Variants in CACNA2D3 observed in about 807,000 individuals in gnomAD.
The protein encoded by CACNA2D3 is calcium voltage-gated channel auxiliary subunit alpha2delta 3.
In CACNA2D3, 60 loss-of-function variants were observed where a neutral mutation model predicts 160.6. That is an observed-to-expected ratio of 0.37 (90% CI 0.30 to 0.46). The LOEUF (loss-of-function observed/expected upper bound fraction) is 0.46, where lower values mean the gene tolerates loss of function less well. CACNA2D3 is among the 20% of genes least tolerant of loss of function. The pLI is 1.00. For synonymous variants in CACNA2D3, 558 were observed against 492.9 expected (o/e 1.13, Z -1.75); for missense variants, 1,205 against 1,365.0 (o/e 0.88, Z 1.85).
At chr3:54,269,846 G>A (rs1391725017) in intron 2 of CACNA2D3, among the ~76,000 whole-genome samples, 2 of 152,210 alleles carry the variant, frequency 1.3e-5, no homozygotes, top group African/African-American at 4.8e-5. Flanking sequence ...ATTGATCAAA[G>A]ACACTTAAAA....
intron 6 of CACNA2D3, among the ~76,000 whole-genome samples, chr3:54,567,123 G>A (rs1224527726): frequency 2.6e-5 from 4 of 152,066 alleles, no homozygotes; most frequent in Admixed American, 6.6e-5. Context: ...TTCATGGTGC[G>A]TAATCTCTCA....
chr3:54,960,043 C>A (rs1701993477), intron 27 of CACNA2D3, among the ~76,000 whole-genome samples: 2 of 138,248 alleles, frequency 1.4e-5, no homozygotes, highest in Admixed American at 7.5e-5. Flanking sequence ...TCTACTTTAC[C>A]AAAGGTGACA....
At chr3:54,655,459 A>G (rs1699860614) in intron 11 of CACNA2D3, among the ~76,000 whole-genome samples, 1 of 152,240 alleles carries the variant, frequency 6.6e-6, no homozygotes, top group African/African-American at 2.4e-5. Context: ...CGTCTGCTGT[A>G]GTTAAAACAT....
intron 35 of CACNA2D3, among the ~76,000 whole-genome samples, chr3:55,027,653 G>A (rs1225327890): frequency 6.6e-6 from 1 of 152,166 alleles, no homozygotes; most frequent in Non-Finnish European, 1.5e-5. Flanking sequence ...CAGGTCAGGG[G>A]CAATGACATT....
At chr3:54,217,872 C>CAGAG (rs61014090) in intron 2 of CACNA2D3, among the ~76,000 whole-genome samples, 1 of 150,322 alleles carries the variant, frequency 6.7e-6, no homozygotes, top group Non-Finnish European at 1.5e-5. Flanking sequence ...CAGAGAGAGA[C>CAGAG]AGAGAGAGAG....
In CACNA2D3 at chr3:54,138,327, G is replaced by A. The variant is rs571871416; in HGVS notation, c.204+14733G>A. Among the ~76,000 whole-genome samples the A allele has an allele frequency of 2.8e-4, 42 of 152,332 alleles. No homozygotes were observed. In the South Asian group the frequency reaches 8.3e-3, roughly 30 times the overall value. ...AGGAAATTTGGAGATGGCATGCTGG[G>A]GAGCAGTGGGGAGGACATGTGAGAG... is the stretch of plus-strand genomic sequence containing the variant. On this transcript the variant is annotated intron_variant, in intron 2 of 37. Coordinates refer to ENST00000474759, the MANE Select transcript of CACNA2D3 (RefSeq NM_018398.3).
At chr3:54,142,575 G>A (rs527237960) in intron 2 of CACNA2D3, among the ~76,000 whole-genome samples, 1 of 152,120 alleles carries the variant, frequency 6.6e-6, no homozygotes, top group East Asian at 1.9e-4. Context: ...GGCTCCTTAG[G>A]GCAAAGCCTG....
intron 2 of CACNA2D3, among the ~76,000 whole-genome samples, chr3:54,254,866 G>A (rs968574487): frequency 6.6e-6 from 1 of 152,172 alleles, no homozygotes; most frequent in Non-Finnish European, 1.5e-5. Flanking sequence ...GCAATGTGGA[G>A]GCTTTATCAA....
In CACNA2D3 at chr3:54,440,294, T is replaced by C. The variant is rs148672172; in HGVS notation, c.381+53520T>C. Among the ~76,000 whole-genome samples the C allele has an allele frequency of 5.9e-3, 898 of 152,236 alleles. 7 individuals are homozygous for C. The highest frequency in any genetic ancestry group is 0.02 in the African/African-American group (834 of 41,532). On this transcript the variant is annotated intron_variant, in intron 4 of 37. Coordinates refer to ENST00000474759, the MANE Select transcript of CACNA2D3 (RefSeq NM_018398.3). ...GGAGGGATATAAGCAGTAGTAGTTG[T>C]TTTTCTTTAAGGCTCAGATGAAACC...
chr3:54,696,801 C>T (rs1021297989), intron 11 of CACNA2D3, among the ~76,000 whole-genome samples: 3 of 152,184 alleles, frequency 2.0e-5, no homozygotes, highest in Non-Finnish European at 4.4e-5. Context: ...AATTAGCCAG[C>T]AGTATTATGT....
intron 4 of CACNA2D3, among the ~76,000 whole-genome samples, chr3:54,447,264 T>G (rs1275931921): frequency 6.6e-6 from 1 of 152,136 alleles, no homozygotes; most frequent in Non-Finnish European, 1.5e-5. Context: ...GTGAAAGTAT[T>G]AACGATGAAT....
At chr3:54,213,964 A>G (rs1007780734) in intron 2 of CACNA2D3, among the ~76,000 whole-genome samples, 1 of 152,164 alleles carries the variant, frequency 6.6e-6, no homozygotes, top group African/African-American at 2.4e-5. Context: ...TGGTTGGTCC[A>G]CCACTGGGTC....
At chr3:54,957,898 C>G (rs1701941064) in intron 27 of CACNA2D3, among the ~76,000 whole-genome samples, 1 of 152,218 alleles carries the variant, frequency 6.6e-6, no homozygotes, top group Non-Finnish European at 1.5e-5. Flanking sequence ...ATCCTTCCCT[C>G]CCCTGCTGAG....
chr3:54,564,145 C>A (rs1193640430), intron 6 of CACNA2D3, among the ~76,000 whole-genome samples: 1 of 152,148 alleles, frequency 6.6e-6, no homozygotes, highest in Non-Finnish European at 1.5e-5. Flanking sequence ...TGGGAAGCCC[C>A]TGGGTAGCCA....
In CACNA2D3 at chr3:54,453,148, C is replaced by T. The variant is rs531890189; in HGVS notation, c.382-50344C>T. 1.1e-4 allele frequency among the ~76,000 whole-genome samples: 16 copies of T among 152,178 alleles called. No homozygotes were observed. The South Asian group carries it at 3.3e-3, about 32-fold the overall frequency. On this transcript the variant is annotated intron_variant, in intron 4 of 37. Coordinates refer to ENST00000474759, the MANE Select transcript of CACNA2D3 (RefSeq NM_018398.3). ...CTGGGACCATAAGTATGCACCACCA[C>T]ACCCAGCTAATTTTTTGTATTTTTT...
rs143266887 is a variant in CACNA2D3 at position 54,783,288 on chromosome 3, A to G, written c.1380+18937A>G. ...ACCTCTACTGAATTAAAAAAAACCC[A>G]TGGTACCCACTTTGAGATATGAAAA... On this transcript the variant is annotated intron_variant, in intron 13 of 37. Transcript: ENST00000474759. Among the ~76,000 whole-genome samples the G allele has an allele frequency of 2.8e-3, 427 of 152,096 alleles. 2 individuals carry two copies. The highest frequency in any genetic ancestry group is 9.8e-3 in the African/African-American group (406 of 41,490).
At chr3:54,827,304 A>G (rs1018427215) in intron 14 of CACNA2D3, among the ~76,000 whole-genome samples, 12 of 152,274 alleles carry the variant, frequency 7.9e-5, no homozygotes, top group African/African-American at 2.7e-4. Context: ...GATGCAAAAC[A>G]TTCACAGCAA....
Position 54,697,523 on chromosome 3 carries a change from G to A in CACNA2D3, c.1168-55076G>A, listed in dbSNP as rs575989959. 9.2e-5 allele frequency among the ~76,000 whole-genome samples: 14 copies of A among 152,166 alleles called. 1 individual carries two copies. The South Asian group carries it at 2.7e-3, about 29-fold the overall frequency. ...AAATCCCTATCTGACCATTTTGATGGAATCCTCACTCCCAAGAATACATGT... is the reference window on the plus strand; with the variant it reads ...AAATCCCTATCTGACCATTTTGATGAAATCCTCACTCCCAAGAATACATGT... On this transcript the variant is annotated intron_variant, in intron 11 of 37. Transcript: ENST00000474759.
At chr3:54,404,066 A>C (rs2106708530) in intron 4 of CACNA2D3, among the ~76,000 whole-genome samples, 1 of 152,344 alleles carries the variant, frequency 6.6e-6, no homozygotes. Flanking sequence ...TTTTCAAACA[A>C]GAATTACTAC....
Sources: allele counts gnomAD v4.1 joint callset (sites outside exome capture counted in the v4.1 genomes callset), GRCh38; gene constraint gnomAD v4.1.1; transcripts MANE v1.5; gene names NCBI Gene and HGNC (gene_info 2026-07-23, HGNC 2026-07-21).